CEP128: variants seen among roughly 807,000 people sequenced by gnomAD.
CEP128 encodes centrosomal protein 128kDa.
Under a neutral mutation model 156.7 loss-of-function variants are expected in CEP128, and 132 were observed. That is an observed-to-expected ratio of 0.84 (90% confidence interval 0.73 to 0.97). The LOEUF is 0.97. Among genes scored for constraint, CEP128 ranks in the 50% least tolerant of loss-of-function variants. The pLI is 0.00. For synonymous variants in CEP128, 469 were observed against 448.9 expected (o/e 1.04, Z -0.57); for missense variants, 1,252 against 1,281.9 (o/e 0.98, Z 0.36).
intron 10 of CEP128, among the ~76,000 whole-genome samples, chr14:80,839,879 T>C (rs1027528665): frequency 6.6e-6 from 1 of 152,120 alleles, no homozygotes; most frequent in African/African-American, 2.4e-5. Flanking sequence ...GAAGAAATCA[T>C]ACTTGAAGCA....
chr14:80,888,311 G>C (rs990413707), intron 8 of CEP128, among the ~76,000 whole-genome samples: 4 of 152,020 alleles, frequency 2.6e-5, no homozygotes, highest in African/African-American at 9.7e-5. Context: ...ACCAAAACCT[G>C]GCAGAAACAC....
intron 18 of CEP128, among the ~76,000 whole-genome samples, chr14:80,746,615 A>G (rs1899114190): frequency 6.6e-6 from 1 of 152,232 alleles, no homozygotes; most frequent in African/African-American, 2.4e-5. Flanking sequence ...TCTAAATGTT[A>G]AAGAGCTGAA....
At chr14:80,645,687 T>C (rs1361557740) in intron 19 of CEP128, among the ~76,000 whole-genome samples, 1 of 152,146 alleles carries the variant, frequency 6.6e-6, no homozygotes, top group African/African-American at 2.4e-5. Flanking sequence ...AAACATATTT[T>C]TACCATACAA....
chr14:80,700,116 C>T (rs1897023244), intron 19 of CEP128, among the ~76,000 whole-genome samples: 1 of 152,100 alleles, frequency 6.6e-6, no homozygotes, highest in Non-Finnish European at 1.5e-5. Flanking sequence ...TACTATAACG[C>T]TAGTGAAAGG....
chr14:80,848,617 G>A (rs1378632626), intron 9 of CEP128, among the ~76,000 whole-genome samples: 2 of 151,464 alleles, frequency 1.3e-5, no homozygotes, highest in Non-Finnish European at 2.9e-5. Context: ...CCAAGATCGT[G>A]CCACTGCACT....
chr14:80,704,252 G>A lies in CEP128; in HGVS notation c.2806+38823C>T, dbSNP rs145176426. On this transcript the variant is annotated intron_variant, in intron 19 of 24. Transcript: ENST00000555265. The stretch of plus-strand genomic sequence containing the variant: ...GACTTAAGCAGCCAGTATTCATTTG[G>A]AGAGCAACAAAAACCACAGAGTAAA... Among the ~76,000 whole-genome samples the A allele has an allele frequency of 5.1e-3, 781 of 152,018 alleles. 3 individuals carry two copies. The highest frequency in any genetic ancestry group is 7.4e-3 in the Non-Finnish European group (505 of 67,914).
chr14:80,850,238 G>T (rs1211677276), intron 9 of CEP128, among the ~76,000 whole-genome samples: 1 of 152,108 alleles, frequency 6.6e-6, no homozygotes, highest in African/African-American at 2.4e-5. Flanking sequence ...ATTTAAATTT[G>T]TAATAACAGA....
At position 80,846,798 on chromosome 14, in the gene CEP128, C is replaced by G. The variant is rs1455549321; in HGVS notation, c.763-6030G>C. On this transcript the variant is annotated intron_variant, in intron 9 of 24. Transcript: ENST00000555265. The stretch of plus-strand genomic sequence containing the variant: ...ATGACAACTTACATTTATACATCAT[C>G]TTGTAAAACTGCACCCTTCAATGAA... Among the ~76,000 whole-genome samples the G allele has an allele frequency of 2.6e-5, 4 of 152,148 alleles. No individual in the cohort carries two copies. In the East Asian group the frequency reaches 5.8e-4, roughly 22 times the overall value.
chr14:80,904,076 C>T (rs553510498), intron 6 of CEP128, among the ~76,000 whole-genome samples: 91 of 152,152 alleles, frequency 6.0e-4, no homozygotes, highest in Admixed American at 2.5e-3. Flanking sequence ...CAGCCAAGAT[C>T]GGCAAACAAC....
chr14:80,581,353 A>C (rs1276325898), intron 19 of CEP128, among the ~76,000 whole-genome samples: 2 of 152,208 alleles, frequency 1.3e-5, no homozygotes, highest in Non-Finnish European at 2.9e-5. Flanking sequence ...TATAAGTTAC[A>C]GAAGTCTAAT....
chr14:80,574,872 T>C (rs1466322523), intron 20 of CEP128, among the ~76,000 whole-genome samples: 1 of 151,890 alleles, frequency 6.6e-6, no homozygotes, highest in African/African-American at 2.4e-5. Context: ...CCTAAAACAG[T>C]ACTAAAAAGA....
At chr14:80,592,175 C>T (rs2122428) in intron 19 of CEP128, among the ~76,000 whole-genome samples, 94,594 of 151,874 alleles carry the variant, frequency 0.62, 30,838 homozygotes, top group African/African-American at 0.83. Flanking sequence ...CTGAAGGAGA[C>T]AGAGACATGA....
At chr14:80,785,676 T>C (rs1901371828) in intron 14 of CEP128, 131 bp from the exon 15 acceptor site, 6 of 662,728 alleles carry the variant, frequency 9.1e-6, no homozygotes, top group Non-Finnish European at 9.7e-6. Context: ...AATTTTTGTA[T>C]TTTTCCCATT....
At chr14:80,488,487 G>C (rs1887220748), downstream of CEP128, among the ~76,000 whole-genome samples, 1 of 150,714 alleles carries the variant, frequency 6.6e-6, no homozygotes, top group Non-Finnish European at 1.5e-5. Flanking sequence ...GGAAACAACA[G>C]GTGCTGAAGA....
At chr14:80,513,958 A>G (rs941241615) in intron 23 of CEP128, among the ~76,000 whole-genome samples, 4 of 152,072 alleles carry the variant, frequency 2.6e-5, no homozygotes, top group African/African-American at 9.7e-5. Flanking sequence ...AAAGCCTAGC[A>G]CCTTTTAACG....
chr14:80,507,792 A>C (rs758448529), intron 23 of CEP128, among the ~76,000 whole-genome samples: 13 of 152,244 alleles, frequency 8.5e-5, no homozygotes, highest in Non-Finnish European at 1.6e-4. Context: ...GATGAATTAA[A>C]CAAAGATATT....
intron 19 of CEP128, among the ~76,000 whole-genome samples, chr14:80,642,296 T>A (rs1211234844): frequency 1.3e-5 from 2 of 152,076 alleles, no homozygotes; most frequent in African/African-American, 2.4e-5. Flanking sequence ...GCTTTAGCAA[T>A]AACAAAAATG....
Position 80,777,950 on chromosome 14 carries a change from G to A in CEP128, c.2308C>T (p.Gln770Ter). 1 of 1,612,078 alleles carries A rather than the reference G, an allele frequency of 6.2e-7. No homozygotes were observed. The highest frequency in any genetic ancestry group is 8.5e-7 in the Non-Finnish European group (1 of 1,178,790). Residue 770 changes from glutamine to a stop codon, truncating the protein, a stop_gained, in exon 16 of 25, where the codon CAG becomes TAG. Transcript: ENST00000555265. LOFTEE classifies it high-confidence loss of function. ...QCDRLTEELT[Q>*]NENENKKLKL... ...AGTTTTTTGTTCTCATTTTCATTCTGGGTTAATTCCTCTGTCAGTCTGTCA... is the reference window on the plus strand; with the variant it reads ...AGTTTTTTGTTCTCATTTTCATTCTAGGTTAATTCCTCTGTCAGTCTGTCA...
At chr14:80,625,854 C>CT (rs1566819110) in intron 19 of CEP128, among the ~76,000 whole-genome samples, 3 of 148,398 alleles carry the variant, frequency 2.0e-5, no homozygotes, top group African/African-American at 5.0e-5. Context: ...CTCTTTCTTT[C>CT]CTTTCTTTCT....
Sources: allele counts gnomAD v4.1 joint callset (sites outside exome capture counted in the v4.1 genomes callset), GRCh38; gene constraint gnomAD v4.1.1; transcripts MANE v1.5; gene names NCBI Gene and HGNC (gene_info 2026-07-23, HGNC 2026-07-21).